Variants in ATP13A5 observed in about 807,000 individuals in gnomAD.
ATP13A5 encodes the protein ATPase 13A5, also known as probable cation-transporting ATPase 13A5.
A neutral mutation model predicts 150.2 loss-of-function variants in ATP13A5; 149 were observed. The ratio of observed to expected loss-of-function variants is 0.99; its 90% confidence interval spans 0.87 to 1.14. The LOEUF is 1.14. Among genes scored for constraint, ATP13A5 ranks in the 50% most tolerant of loss-of-function variants. ATP13A5 has a pLI of 0.00. For missense variants in ATP13A5, 1,383 were observed against 1,449.3 expected, an observed-to-expected ratio of 0.95 and a Z score of 0.74; for synonymous variants, 497 against 522.2, an observed-to-expected ratio of 0.95 and a Z score of 0.66.
intron 6 of ATP13A5, among the ~76,000 whole-genome samples, chr3:193,352,370 TAAAC>T (rs1712596155): frequency 6.6e-6 from 1 of 152,236 alleles, no homozygotes; most frequent in Non-Finnish European, 1.5e-5. Flanking sequence ...ATCTTGAAGT[TAAAC>T]AAATCCAGTA....
At chr3:193,354,251 C>A in intron 5 of ATP13A5, 55 bp from the exon 6 acceptor site, 1 of 1,486,532 alleles carries the variant, frequency 6.7e-7, no homozygotes, top group Non-Finnish European at 9.2e-7. Context: ...TGATAAGTGA[C>A]TACAGGCCAA....
chr3:193,371,522 T>C (rs910303211), intron 1 of ATP13A5, among the ~76,000 whole-genome samples: 1 of 152,240 alleles, frequency 6.6e-6, no homozygotes, highest in African/African-American at 2.4e-5. Flanking sequence ...AGGCGTCACC[T>C]GAGCTGTGCT....
At chr3:193,334,793 T>C in intron 10 of ATP13A5, 136 bp downstream of exon 10, 1 of 728,460 alleles carries the variant, frequency 1.4e-6, no homozygotes, top group South Asian at 2.1e-5. Flanking sequence ...TTTAGAATAA[T>C]AAGTGTCTGT....
intron 25 of ATP13A5, among the ~76,000 whole-genome samples, chr3:193,292,170 T>C (rs918023733): frequency 6.6e-6 from 1 of 152,054 alleles, no homozygotes; most frequent in African/African-American, 2.4e-5. Flanking sequence ...GTACACAGTG[T>C]GGACTGTGAT....
chr3:193,329,382 A>T (rs1332603882), intron 12 of ATP13A5, among the ~76,000 whole-genome samples: 1 of 152,210 alleles, frequency 6.6e-6, no homozygotes, highest in African/African-American at 2.4e-5. Context: ...GACACCTAAA[A>T]GCAGCCTCAC....
intron 9 of ATP13A5, among the ~76,000 whole-genome samples, chr3:193,339,039 T>G (rs1380130143): frequency 6.6e-6 from 1 of 152,216 alleles, no homozygotes; most frequent in Non-Finnish European, 1.5e-5. Flanking sequence ...TTTATAGTAT[T>G]CTCTGATGGT....
At chr3:193,372,668 C>A (rs1401745982) in intron 1 of ATP13A5, among the ~76,000 whole-genome samples, 1 of 152,134 alleles carries the variant, frequency 6.6e-6, no homozygotes, top group African/African-American at 2.4e-5. Flanking sequence ...ATCACATTGG[C>A]AAATAAAATT....
intron 23 of ATP13A5, among the ~76,000 whole-genome samples, chr3:193,305,129 T>A (rs911395955): frequency 6.6e-6 from 1 of 152,236 alleles, no homozygotes; most frequent in African/African-American, 2.4e-5. Flanking sequence ...ATGTAAAAGA[T>A]ATTGGATATT....
At chr3:193,344,409 G>A (rs1265304389) in intron 8 of ATP13A5, among the ~76,000 whole-genome samples, 2 of 152,148 alleles carry the variant, frequency 1.3e-5, no homozygotes, top group Non-Finnish European at 2.9e-5. Flanking sequence ...TGTCTTCTTG[G>A]ATTGAGGCCT....
intron 7 of ATP13A5, among the ~76,000 whole-genome samples, chr3:193,345,418 G>A (rs1239421007): frequency 2.6e-5 from 4 of 152,102 alleles, no homozygotes; most frequent in Non-Finnish European, 4.4e-5. Context: ...AAAGTGATTC[G>A]CATATCAGGC....
chr3:193,321,582 G>T (rs972489741), intron 16 of ATP13A5, 99 bp downstream of exon 16: 2 of 1,339,758 alleles, frequency 1.5e-6, no homozygotes, highest in Non-Finnish European at 1.0e-6. Flanking sequence ...AGTGAGCTGA[G>T]ATCGTGCCAC....
At chr3:193,318,568 G>C (rs1193304048) in intron 17 of ATP13A5, among the ~76,000 whole-genome samples, 1 of 152,142 alleles carries the variant, frequency 6.6e-6, no homozygotes. Flanking sequence ...CACGTCTAAA[G>C]TATTCTCAAA....
At chr3:193,327,468 TCA>T (rs1443578951) in intron 12 of ATP13A5, among the ~76,000 whole-genome samples, 1 of 152,186 alleles carries the variant, frequency 6.6e-6, no homozygotes, top group East Asian at 1.9e-4. Flanking sequence ...ACTGTTCAGT[TCA>T]CAGTTTGCCA....
In ATP13A5 at chr3:193,299,217, A is replaced by C; in HGVS notation, c.2776-14T>G. 6.3e-7 allele frequency: 1 copy of C among 1,598,360 alleles called. No individual in the cohort carries two copies. The highest frequency in any genetic ancestry group is 2.2e-5 in the East Asian group (1 of 44,580). The stretch of plus-strand genomic sequence containing the variant: ...GAGTTGTAGTTGCTGAAAAAGAAAC[A>C]AAAGCAAATATAAATGTGGCATCTG... On this transcript the variant is annotated splice_polypyrimidine_tract_variant and intron_variant, in intron 24 of 29. Transcript: ENST00000342358.
At chr3:193,358,337 T>G (rs1157318935) in intron 5 of ATP13A5, among the ~76,000 whole-genome samples, 1 of 152,190 alleles carries the variant, frequency 6.6e-6, no homozygotes, top group African/African-American at 2.4e-5. Context: ...ACTCTTGTTT[T>G]ATAAAGGGAG....
intron 25 of ATP13A5, among the ~76,000 whole-genome samples, chr3:193,292,497 C>A (rs1218739103): frequency 6.6e-6 from 1 of 152,144 alleles, no homozygotes; most frequent in Non-Finnish European, 1.5e-5. Flanking sequence ...GTGTGACTTT[C>A]TCTGGCCAAA....
chr3:193,281,807 G>A (rs1441181553), intron 27 of ATP13A5, among the ~76,000 whole-genome samples: 1 of 152,030 alleles, frequency 6.6e-6, no homozygotes, highest in Non-Finnish European at 1.5e-5. Flanking sequence ...GTCTGGTATA[G>A]GGGTTTGAAT....
In ATP13A5 at chr3:193,316,290, T is replaced by C. The variant is rs191817447; in HGVS notation, c.2034-1194A>G. On this transcript the variant is annotated intron_variant, in intron 17 of 29. Transcript: ENST00000342358. ...AACATAAAGGTGAAGATACCTTTTT[T>C]TGAGATCCCAATGTCAGTTCTTTTG... Among the ~76,000 whole-genome samples the C allele has an allele frequency of 7.8e-3, 1,182 of 152,270 alleles. 14 individuals carry two copies. The highest frequency in any genetic ancestry group is 0.011 in the Non-Finnish European group (769 of 68,006).
chr3:193,315,180 A>C, intron 17 of ATP13A5, 84 bp from the exon 18 acceptor site: 1 of 1,371,758 alleles, frequency 7.3e-7, no homozygotes. Flanking sequence ...AAAAATTTAT[A>C]AGTTTTATTA....
Sources: gnomAD v4.1 joint callset for allele counts (sites outside exome capture counted in the v4.1 genomes callset) on GRCh38, gnomAD v4.1.1 for gene constraint, MANE v1.5 for transcripts, NCBI Gene and HGNC (gene_info 2026-07-23, HGNC 2026-07-21) for gene names.